CNTN5: variants seen among roughly 807,000 people sequenced by gnomAD.
CNTN5 encodes the protein contactin-5.
In CNTN5, 77 loss-of-function variants were observed where a neutral mutation model predicts 129.1. That is an observed-to-expected ratio of 0.60 (90% CI 0.50 to 0.72). The LOEUF (loss-of-function observed/expected upper bound fraction) is 0.72, where lower values mean the gene tolerates loss of function less well. Among genes scored for constraint, CNTN5 ranks in the 30% least tolerant of loss-of-function variants. The probability of loss-of-function intolerance (pLI) is 0.00; values close to 1 mark genes in which losing one functional copy is unlikely to be tolerated. For synonymous variants in CNTN5, 509 were observed against 465.6 expected, an observed-to-expected ratio of 1.09 and a Z score of -1.20; for missense variants, 1,478 against 1,328.8, an observed-to-expected ratio of 1.11 and a Z score of -1.75.
At position 99,966,021 on chromosome 11, in the gene CNTN5, C is replaced by T. The variant is rs139406485; in HGVS notation, c.877+9012C>T. 1.4e-4 allele frequency among the ~76,000 whole-genome samples: 22 copies of T among 152,190 alleles called. No individual in the cohort carries two copies. The East Asian group carries it at 3.9e-3, about 27-fold the overall frequency. ...GCTGGGTTTTAGAAACCTCTCAATG[C>T]AGAGATAGGCATTACAATGAATGTT... On this transcript the variant is annotated intron_variant, in intron 8 of 24. Transcript: ENST00000524871.
rs572312259 is a variant in CNTN5 at position 100,319,340 on chromosome 11, A to T, written c.2730+10872A>T. Among the ~76,000 whole-genome samples, 36 of 151,662 alleles carry T rather than the reference A, an allele frequency of 2.4e-4. 1 individual carries two copies. Among genetic ancestry groups the T allele is most frequent in the Non-Finnish European group, 3.7e-4 (25 of 67,916 alleles). On this transcript the variant is annotated intron_variant, in intron 21 of 24. Coordinates refer to ENST00000524871, the MANE Select transcript of CNTN5 (RefSeq NM_014361.4). The stretch of plus-strand genomic sequence containing the variant: ...GGTGATTTTTGTATTTTTAGTAGGG[A>T]TCGGGTTTCACCATGTTGCCCAGGC...
At chr11:100,001,788 A>C (rs1044945119) in intron 8 of CNTN5, among the ~76,000 whole-genome samples, 1 of 152,228 alleles carries the variant, frequency 6.6e-6, no homozygotes, top group Admixed American at 6.5e-5. Context: ...TTGATTAACA[A>C]TTTCAATAAT....
At chr11:99,619,222 G>A (rs1176249408) in intron 3 of CNTN5, among the ~76,000 whole-genome samples, 4 of 152,058 alleles carry the variant, frequency 2.6e-5, no homozygotes, top group Admixed American at 6.5e-5. Context: ...TTTTAACAAT[G>A]TTATTTATAT....
intron 13 of CNTN5, among the ~76,000 whole-genome samples, chr11:100,116,413 A>G (rs560641313): frequency 1.3e-5 from 2 of 150,826 alleles, no homozygotes; most frequent in African/African-American, 2.5e-5. Flanking sequence ...CTATCTAATA[A>G]AAAAAATTTG....
At chr11:99,937,686 T>A (rs1249503382) in intron 7 of CNTN5, among the ~76,000 whole-genome samples, 3 of 152,202 alleles carry the variant, frequency 2.0e-5, no homozygotes, top group African/African-American at 4.8e-5. Context: ...GCTTTTCACT[T>A]AGGACATGAA....
At chr11:99,444,800 C>A (rs1943992791) in intron 2 of CNTN5, among the ~76,000 whole-genome samples, 1 of 151,764 alleles carries the variant, frequency 6.6e-6, no homozygotes, top group South Asian at 2.1e-4. Context: ...TTTTTAAGAT[C>A]ATTTATATGT....
At chr11:100,284,077 T>C (rs1315355044) in intron 18 of CNTN5, among the ~76,000 whole-genome samples, 1 of 152,190 alleles carries the variant, frequency 6.6e-6, no homozygotes, top group East Asian at 1.9e-4. Context: ...ATTGTTGCAC[T>C]CTCCCTCTCC....
At chr11:99,416,721 C>A (rs946282409) in intron 2 of CNTN5, among the ~76,000 whole-genome samples, 1 of 152,098 alleles carries the variant, frequency 6.6e-6, no homozygotes, top group Admixed American at 6.6e-5. Flanking sequence ...GGCATCATAA[C>A]AGAGAAGGGG....
intron 6 of CNTN5, among the ~76,000 whole-genome samples, chr11:99,845,554 A>C (rs1014049957): frequency 6.6e-6 from 1 of 151,380 alleles, no homozygotes; most frequent in African/African-American, 2.4e-5. Context: ...TTGTATTTTT[A>C]GTAGAGACGG....
intron 8 of CNTN5, among the ~76,000 whole-genome samples, chr11:99,977,056 A>G (rs1351033250): frequency 6.6e-6 from 1 of 152,190 alleles, no homozygotes; most frequent in Non-Finnish European, 1.5e-5. Context: ...GCTGCATAGA[A>G]ATTTCTTCCA....
intron 3 of CNTN5, among the ~76,000 whole-genome samples, chr11:99,586,797 AG>A (rs554570670): frequency 5.9e-5 from 9 of 152,176 alleles, no homozygotes; most frequent in African/African-American, 2.2e-4. Flanking sequence ...GTTTTAAGGA[AG>A]GGCCACTCAT....
intron 1 of CNTN5, among the ~76,000 whole-genome samples, chr11:99,119,808 G>T (rs538633657): frequency 6.6e-6 from 1 of 151,858 alleles, no homozygotes; most frequent in South Asian, 2.1e-4. Flanking sequence ...GCTATTTTTT[G>T]ACTTTCAATA....
chr11:100,196,356 A>G (rs1214902298), intron 15 of CNTN5, among the ~76,000 whole-genome samples: 2 of 152,038 alleles, frequency 1.3e-5, no homozygotes, highest in African/African-American at 4.8e-5. Flanking sequence ...ATGCCAAAAT[A>G]TGACTTAATG....
chr11:100,188,863 T>G (rs568150957), intron 13 of CNTN5, among the ~76,000 whole-genome samples: 1 of 152,154 alleles, frequency 6.6e-6, no homozygotes, highest in South Asian at 2.1e-4. Context: ...ATAAAGAAAA[T>G]GTGGTACATA....
At chr11:99,869,625 C>T (rs1161509262) in intron 6 of CNTN5, among the ~76,000 whole-genome samples, 1 of 152,122 alleles carries the variant, frequency 6.6e-6, no homozygotes, top group Non-Finnish European at 1.5e-5. Context: ...ATACTCATTT[C>T]TTCAGATTAC....
intron 1 of CNTN5, among the ~76,000 whole-genome samples, chr11:99,287,107 GC>G (rs1032499493): frequency 1.3e-5 from 2 of 152,124 alleles, no homozygotes; most frequent in African/African-American, 4.8e-5. Context: ...GGAAAAGACA[GC>G]AAGGTGACAA....
chr11:99,417,318 C>T (rs553287713), intron 2 of CNTN5, among the ~76,000 whole-genome samples: 25 of 152,134 alleles, frequency 1.6e-4, no homozygotes, highest in African/African-American at 3.1e-4. Flanking sequence ...CAAAAATACA[C>T]GGATTATTAA....
intron 1 of CNTN5, among the ~76,000 whole-genome samples, chr11:99,040,834 G>T (rs183697897): frequency 6.6e-6 from 1 of 152,190 alleles, no homozygotes; most frequent in East Asian, 1.9e-4. Flanking sequence ...ACCTTTTACG[G>T]TGAAAGAAGA....
intron 7 of CNTN5, among the ~76,000 whole-genome samples, chr11:99,920,565 T>C (rs1949911655): frequency 2.0e-5 from 3 of 152,268 alleles, no homozygotes; most frequent in Non-Finnish European, 2.9e-5. Context: ...CCTCTATTAA[T>C]AGAAATTTCA....
Sources: allele counts gnomAD v4.1 joint callset (sites outside exome capture counted in the v4.1 genomes callset), GRCh38; gene constraint gnomAD v4.1.1; transcripts MANE v1.5; gene names NCBI Gene and HGNC (gene_info 2026-07-23, HGNC 2026-07-21).